Variants in FBXW7 observed in about 807,000 individuals in gnomAD.
FBXW7 encodes the protein F-box/WD repeat-containing protein 7.
A neutral mutation model predicts 86.3 loss-of-function variants in FBXW7; 11 were observed. That is an observed-to-expected ratio of 0.13 (90% CI 0.08 to 0.21). The LOEUF is 0.21. Among genes scored for constraint, FBXW7 ranks in the 10% least tolerant of loss-of-function variants. FBXW7 has a pLI of 1.00. For synonymous variants in FBXW7, 313 were observed against 297.9 expected, an observed-to-expected ratio of 1.05 and a Z score of -0.52; for missense variants, 488 against 847.4, an observed-to-expected ratio of 0.58 and a Z score of 5.27.
intron 4 of FBXW7, among the ~76,000 whole-genome samples, chr4:152,385,696 T>G (rs1735466981): frequency 6.6e-6 from 1 of 152,042 alleles, no homozygotes; most frequent in African/African-American, 2.4e-5. Context: ...AGTTTTTTAG[T>G]GGATACCAAG....
At position 152,431,856 on chromosome 4, in the gene FBXW7, G is replaced by A. The variant is rs193273494; in HGVS notation, c.-119-19327C>T. ...AACAGACTCACTAGTTTTATACAGT[G>A]GTGGGCTTATTCTAAAGCTCAAAAC... On this transcript the variant is annotated intron_variant, in intron 2 of 13. Transcript: ENST00000281708. Among the ~76,000 whole-genome samples, 3 of 152,282 alleles carry A rather than the reference G, an allele frequency of 2.0e-5. No individual in the cohort carries two copies. The East Asian group carries it at 5.8e-4, about 29-fold the overall frequency.
At chr4:152,392,751 A>G (rs139883174) in intron 4 of FBXW7, among the ~76,000 whole-genome samples, 4 of 152,302 alleles carry the variant, frequency 2.6e-5, no homozygotes, top group African/African-American at 7.2e-5. Flanking sequence ...TAATTTTACA[A>G]TGTAACAGGA....
In FBXW7 at chr4:152,408,466, T is replaced by C. The variant is rs185880385; in HGVS notation, c.501+2837A>G. 5.3e-5 allele frequency among the ~76,000 whole-genome samples: 8 copies of C among 152,334 alleles called. No homozygotes were observed. In the East Asian group the frequency reaches 1.3e-3, roughly 26 times the overall value. The stretch of plus-strand genomic sequence containing the variant: ...GCACACAACCTCTGCTTTAAAAGCA[T>C]GTTTTATGGATTCAAGAGAGTATGA... On this transcript the variant is annotated intron_variant, in intron 4 of 13. Coordinates refer to ENST00000281708, the MANE Select transcript of FBXW7 (RefSeq NM_001349798.2).
intron 11 of FBXW7, among the ~76,000 whole-genome samples, chr4:152,326,526 T>C (rs1729037181): frequency 6.6e-6 from 1 of 152,008 alleles, no homozygotes; most frequent in Non-Finnish European, 1.5e-5. Context: ...ACCACTGTAC[T>C]GTATTTTTTA....
chr4:152,395,677 A>C (rs1019645296), intron 4 of FBXW7, among the ~76,000 whole-genome samples: 1 of 152,024 alleles, frequency 6.6e-6, no homozygotes, highest in Admixed American at 6.6e-5. Context: ...CACTCCAAAC[A>C]ACCCAATTCC....
chr4:152,502,804 GT>G (rs1446929299), intron 2 of FBXW7, among the ~76,000 whole-genome samples: 6 of 152,030 alleles, frequency 3.9e-5, no homozygotes, highest in Non-Finnish European at 7.4e-5. Flanking sequence ...TATTTCTTGG[GT>G]TTTAAAGTTT....
chr4:152,487,804 G>A (rs1164617147), intron 2 of FBXW7, among the ~76,000 whole-genome samples: 1 of 151,952 alleles, frequency 6.6e-6, no homozygotes, highest in African/African-American at 2.4e-5. Context: ...ATGGACTGCT[G>A]CTACATAATT....
At chr4:152,393,273 T>G (rs1221646828) in intron 4 of FBXW7, among the ~76,000 whole-genome samples, 1 of 152,142 alleles carries the variant, frequency 6.6e-6, no homozygotes, top group South Asian at 2.1e-4. Context: ...GCTGTCATGA[T>G]GAAAAGAAAA....
chr4:152,382,319 T>A, intron 4 of FBXW7: 1 of 1,577,574 alleles, frequency 6.3e-7, no homozygotes, highest in Non-Finnish European at 8.6e-7. Context: ...TAGAGTAGGT[T>A]TTCCCGGTTT....
chr4:152,473,407 A>G (rs1744129633), intron 2 of FBXW7, among the ~76,000 whole-genome samples: 1 of 152,182 alleles, frequency 6.6e-6, no homozygotes, highest in African/African-American at 2.4e-5. Flanking sequence ...AAAAACTTTA[A>G]AGCAAAGTAC....
At chr4:152,529,106 A>T (rs1230535092) in intron 2 of FBXW7, among the ~76,000 whole-genome samples, 1 of 152,180 alleles carries the variant, frequency 6.6e-6, no homozygotes, top group Admixed American at 6.5e-5. Context: ...TCCCTGGTCC[A>T]CTCAAAGTAT....
chr4:152,328,238 G>T lies in FBXW7; in HGVS notation c.1388C>A (p.Thr463Asn), dbSNP rs2126513216. The T allele has an allele frequency of 6.3e-7, 1 of 1,596,600 alleles. No homozygotes were observed. Among genetic ancestry groups the T allele is most frequent in the Non-Finnish European group, 8.5e-7 (1 of 1,173,036 alleles). ...CIHTLYGHTS[T>N]VRCMHLHEKR... ...TTCATGAAGATGCATACAACGCACAGTGGAAGTATGCCCATATAAGGTGTG... is the reference window on the plus strand; with the variant it reads ...TTCATGAAGATGCATACAACGCACATTGGAAGTATGCCCATATAAGGTGTG... Residue 463 changes from threonine to asparagine, a missense_variant, in exon 11 of 14, where the codon ACT becomes AAT. Thr to Asn is a moderately conservative substitution (Grantham distance 65). Transcript: ENST00000281708.
At chr4:152,336,862 G>C (rs1730177362) in intron 7 of FBXW7, among the ~76,000 whole-genome samples, 1 of 151,818 alleles carries the variant, frequency 6.6e-6, no homozygotes, top group Non-Finnish European at 1.5e-5. Flanking sequence ...AACACCATTA[G>C]GATATTTAGA....
intron 6 of FBXW7, 30 bp downstream of exon 6, chr4:152,346,900 C>T (rs745885410): frequency 4.4e-6 from 7 of 1,606,488 alleles, no homozygotes; most frequent in Non-Finnish European, 5.9e-6. Flanking sequence ...TTAAGTGAGG[C>T]ATTTCAAGTA....
In FBXW7 at chr4:152,411,872, T is replaced by G. The variant is rs1737997748; in HGVS notation, c.-69A>C. 1 of 1,476,628 alleles carries G rather than the reference T, an allele frequency of 6.8e-7. No homozygotes were observed. The highest frequency in any genetic ancestry group is 2.7e-5 in the Admixed American group (1 of 37,634). 91.5% of individuals were successfully genotyped at this position (1,476,628 alleles called of 1,614,324 possible). A position where few individuals can be genotyped will look rare whatever the true frequency, so the allele number is the denominator to read the frequency against. On this transcript the variant is annotated splice_region_variant and 5_prime_UTR_variant, in exon 4 of 14. Coordinates refer to ENST00000281708, the MANE Select transcript of FBXW7 (RefSeq NM_001349798.2). The stretch of plus-strand genomic sequence containing the variant: ...TCAGAAGATGCAAAGGTTTTCACAT[T>G]CTGCAGGGGAAAATAGGGTAAAAAA...
At chr4:152,366,060 C>A (rs892573699) in intron 4 of FBXW7, among the ~76,000 whole-genome samples, 1 of 152,030 alleles carries the variant, frequency 6.6e-6, no homozygotes, top group Admixed American at 6.6e-5. Flanking sequence ...AACAGAAAAC[C>A]ATTAATTTTG....
intron 6 of FBXW7, among the ~76,000 whole-genome samples, chr4:152,339,207 T>C (rs1460938847): frequency 6.6e-6 from 1 of 152,208 alleles, no homozygotes; most frequent in Non-Finnish European, 1.5e-5. Flanking sequence ...ACCAGTTGTG[T>C]CCCTTCCTTT....
chr4:152,343,371 A>C (rs962444660), intron 6 of FBXW7, among the ~76,000 whole-genome samples: 1 of 152,146 alleles, frequency 6.6e-6, no homozygotes, highest in Non-Finnish European at 1.5e-5. Flanking sequence ...TTATTTCTTG[A>C]CCAAGGGAAG....
intron 2 of FBXW7, among the ~76,000 whole-genome samples, chr4:152,434,958 T>TC (rs11321808): frequency 0.01 from 1,296 of 129,294 alleles, 5 homozygotes; most frequent in South Asian, 0.015. Context: ...TTCCCCCCGC[T>TC]CCCCCCCCCC....
Sources: allele counts gnomAD v4.1 joint callset (sites outside exome capture counted in the v4.1 genomes callset), GRCh38; gene constraint gnomAD v4.1.1; transcripts MANE v1.5; gene names NCBI Gene and HGNC (gene_info 2026-07-23, HGNC 2026-07-21).